Variants in PTHLH observed in about 807,000 individuals in gnomAD.
The protein encoded by PTHLH is parathyroid hormone-related protein.
Under a neutral mutation model 18.6 loss-of-function variants are expected in PTHLH, and 5 were observed. The observed-to-expected ratio is 0.27, with a 90% CI of 0.14 to 0.56. PTHLH has a LOEUF of 0.56. Ranked by LOEUF, PTHLH falls within the 20% of genes least tolerant of loss-of-function variation. The pLI is 0.92. For missense variants in PTHLH, 207 were observed against 223.9 expected (o/e 0.92, Z 0.48); for synonymous variants, 90 against 94.0 (o/e 0.96, Z 0.25).
intron 2 of PTHLH, among the ~76,000 whole-genome samples, chr12:27,970,928 A>C (rs1053980012): frequency 6.6e-6 from 1 of 152,210 alleles, no homozygotes; most frequent in Non-Finnish European, 1.5e-5. Context: ...TTTGCTTAGA[A>C]GAACAAAAAC....
Position 27,963,645 on chromosome 12 carries a change from G to A in PTHLH, c.227C>T (p.Ser76Leu), listed in dbSNP as rs932755478. 4.3e-6 allele frequency: 7 copies of A among 1,614,018 alleles called. No individual in the cohort carries two copies. The Admixed American group carries it at 1.2e-4, about 27-fold the overall frequency. ...EIHTAEIRATSEVSPNSKPSP... is the reference protein window; with the variant it reads ...EIHTAEIRATLEVSPNSKPSP... ...GGGCTTGGAGTTAGGGGACACCTCC[G>A]AGGTAGCTCTGATTTCAGCTGTGTG... Residue 76 changes from serine (S) to leucine (L), a missense_variant, in exon 5 of 6, where the codon TCG becomes TTG. Ser to Leu is a moderately radical substitution (Grantham distance 145). Transcript: ENST00000545234.
intron 5 of PTHLH, chr12:27,961,632 C>A (rs945039764): frequency 3.5e-4 from 99 of 280,760 alleles, no homozygotes; most frequent in African/African-American, 2.1e-3. Flanking sequence ...GTGCAGTAAG[C>A]CAGAATTTAT....
chr12:27,963,751 G>A lies in PTHLH; in HGVS notation c.121C>T (p.His41Tyr), dbSNP rs1336854501. The change falls in exon 5 of 6, where the codon CAT (histidine) becomes TAT (tyrosine). Residue 41 changes from histidine to tyrosine, a missense_variant. By Grantham distance (83) the His-to-Tyr change is moderately conservative. Coordinates refer to ENST00000545234, the MANE Select transcript of PTHLH (RefSeq NM_198965.2). ...TTCCCCTTGTCATGGAGGAGCTGAT[G>A]TTCAGACACAGCTCTTTTGCTTTGA... Reference protein sequence around the residue: ...SRRLKRAVSEHQLLHDKGKSI... With the variant: ...SRRLKRAVSEYQLLHDKGKSI... 10 of 1,613,972 alleles carry A rather than the reference G, an allele frequency of 6.2e-6. No individual in the cohort carries two copies. Among genetic ancestry groups the A allele is most frequent in the Non-Finnish European group, 8.5e-6 (10 of 1,179,964 alleles).
Position 27,969,375 on chromosome 12 carries a change from G to A in PTHLH, c.101+19C>T, listed in dbSNP as rs775571268. ...CTGGCCTCCCCAACCCGGCGCCCTGGGGAGGATGGGGCACTTACAGGCGGC... is the reference window on the plus strand; with the variant it reads ...CTGGCCTCCCCAACCCGGCGCCCTGAGGAGGATGGGGCACTTACAGGCGGC... On this transcript the variant is annotated intron_variant, in intron 4 of 5. Coordinates refer to ENST00000545234, the MANE Select transcript of PTHLH (RefSeq NM_198965.2). 1 of 1,559,528 alleles carries A rather than the reference G, an allele frequency of 6.4e-7. No homozygotes were observed.
At chr12:27,965,825 T>C (rs140604413) in intron 4 of PTHLH, among the ~76,000 whole-genome samples, 2 of 152,232 alleles carry the variant, frequency 1.3e-5, no homozygotes, top group Admixed American at 1.3e-4. Flanking sequence ...TTTAATAACA[T>C]TTATAAAATA....
intron 4 of PTHLH, among the ~76,000 whole-genome samples, chr12:27,964,169 T>C: frequency 6.6e-6 from 1 of 152,124 alleles, no homozygotes; most frequent in Non-Finnish European, 1.5e-5. Context: ...TTCAGAGTTC[T>C]GCTGAGAAAA....
Position 27,972,649 on chromosome 12 carries a change from T to TA in PTHLH, c.-486dup, listed in dbSNP as rs1360211659. The TA allele has an allele frequency of 6.6e-6, 1 of 152,198 alleles. No homozygotes were observed. The highest frequency in any genetic ancestry group is 1.5e-5 in the Non-Finnish European group (1 of 68,024). 9.4% of individuals were successfully genotyped at this position (152,198 alleles called of 1,614,324 possible). A position where few individuals can be genotyped will look rare whatever the true frequency, so the allele number is the denominator to read the frequency against. ...CATAAAATTAAATCTTAAAATGAAT[T>TA]AAAAGCTTCTTGAAAGGAGACTTCT... On this transcript the variant is annotated 5_prime_UTR_variant, in exon 1 of 6. Coordinates refer to ENST00000545234, the MANE Select transcript of PTHLH (RefSeq NM_198965.2).
At position 27,958,513 on chromosome 12, in the gene PTHLH, T is replaced by A; in HGVS notation, c.*46A>T. The A allele has an allele frequency of 6.5e-7, 1 of 1,531,234 alleles. No homozygotes were observed. Among genetic ancestry groups the A allele is most frequent in the Non-Finnish European group, 8.9e-7 (1 of 1,125,594 alleles). 94.9% of individuals were successfully genotyped at this position (1,531,234 alleles called of 1,614,324 possible). A position where few individuals can be genotyped will look rare whatever the true frequency, so the allele number is the denominator to read the frequency against. On this transcript the variant is annotated 3_prime_UTR_variant, in exon 6 of 6. Transcript: ENST00000545234. ...TCTAATACTTTCCATATGTTCACTA[T>A]TACAGAATCCTGCAATATGTCCTTG...
chr12:27,960,263 AAAATGATATGATTTCTAAC>A (rs1273019738), intron 5 of PTHLH, among the ~76,000 whole-genome samples: 1 of 152,248 alleles, frequency 6.6e-6, no homozygotes, highest in African/African-American at 2.4e-5. Flanking sequence ...TTCCAAGGCA[AAAATGATATGATTTCTAAC>A]AAATGAGTCC....
At chr12:27,963,791 G>A (rs1448636365) in intron 4 of PTHLH, 21 bp from the exon 5 acceptor site, 5 of 1,611,986 alleles carry the variant, frequency 3.1e-6, no homozygotes, top group Non-Finnish European at 4.2e-6. Context: ...AAATATTAGA[G>A]GGGAAGAAAA....
chr12:27,964,267 T>C (rs1321807748), intron 4 of PTHLH, among the ~76,000 whole-genome samples: 4 of 84,196 alleles, frequency 4.8e-5, no homozygotes, highest in East Asian at 6.0e-4. Context: ...TCTCTCTCTC[T>C]CCTCTCTCTC....
At chr12:27,968,607 A>T (rs1278729360) in intron 4 of PTHLH, among the ~76,000 whole-genome samples, 1 of 152,220 alleles carries the variant, frequency 6.6e-6, no homozygotes, top group East Asian at 1.9e-4. Flanking sequence ...CGACATAGTG[A>T]TATTTCTCTG....
chr12:27,964,268 C>CTCTCTCTCTCCT (rs1555124757), intron 4 of PTHLH, among the ~76,000 whole-genome samples: 3 of 20,074 alleles, frequency 1.5e-4, no homozygotes, highest in African/African-American at 5.3e-4. Context: ...CTCTCTCTCT[C>CTCTCTCTCTCCT]CTCTCTCTCT....
intron 5 of PTHLH, chr12:27,962,689 TTA>T: frequency 1.0e-6 from 1 of 984,392 alleles, no homozygotes; most frequent in Non-Finnish European, 1.2e-6. Context: ...TCCTTGTAAG[TTA>T]ATACTTAAAC....
chr12:27,958,789 T>C (rs1362546281), intron 5 of PTHLH, among the ~76,000 whole-genome samples: 1 of 152,144 alleles, frequency 6.6e-6, no homozygotes, highest in Non-Finnish European at 1.5e-5. Context: ...ACTTAGCCCA[T>C]ATGTGCGGAA....
In PTHLH at chr12:27,961,601, A is replaced by G. The variant is rs116250116; in HGVS notation, c.524+1747T>C. 1,680 of 219,214 alleles carry G rather than the reference A, an allele frequency of 7.7e-3. 24 individuals carry two copies. Among genetic ancestry groups the G allele is most frequent in the African/African-American group, 0.036 (1,601 of 44,156 alleles). The allele number at this position is 219,214 out of a possible 1,614,324, so 13.6% of individuals were successfully genotyped here. On this transcript the variant is annotated intron_variant, in intron 5 of 5. Coordinates refer to ENST00000545234, the MANE Select transcript of PTHLH (RefSeq NM_198965.2). ...TATAAATATATACAGTTAGGATCCT[A>G]TCTTAAAACACACTAAATATGTGCA... is the stretch of plus-strand genomic sequence containing the variant.
chr12:27,965,003 T>C (rs1031057560), intron 4 of PTHLH, among the ~76,000 whole-genome samples: 1 of 152,230 alleles, frequency 6.6e-6, no homozygotes, highest in African/African-American at 2.4e-5. Flanking sequence ...CTACATCCCA[T>C]GTACTCTTAC....
chr12:27,959,416 T>C (rs2062736103), intron 5 of PTHLH, among the ~76,000 whole-genome samples: 1 of 152,220 alleles, frequency 6.6e-6, no homozygotes, highest in Non-Finnish European at 1.5e-5. Flanking sequence ...TACTAGAAAC[T>C]GACACCTTTT....
At chr12:27,963,257 T>C in intron 5 of PTHLH, 91 bp downstream of exon 5, 1 of 1,598,708 alleles carries the variant, frequency 6.3e-7, no homozygotes, top group Non-Finnish European at 8.5e-7. Context: ...AGGGAGAAAA[T>C]TCTAGGTTTG....
Sources: gnomAD v4.1 joint callset for allele counts (sites outside exome capture counted in the v4.1 genomes callset) on GRCh38, gnomAD v4.1.1 for gene constraint, MANE v1.5 for transcripts, NCBI Gene and HGNC (gene_info 2026-07-23, HGNC 2026-07-21) for gene names.